The following PTPRD variants were observed in gnomAD, a reference collection of about 807,000 sequenced individuals.
PTPRD encodes the protein protein tyrosine phosphatase receptor type D, also known as receptor-type tyrosine-protein phosphatase delta.
PTPRD carries 34 observed loss-of-function variants against 214.5 expected under a neutral mutation model. The ratio of observed to expected loss-of-function variants is 0.16; its 90% CI spans 0.12 to 0.21. The LOEUF (loss-of-function observed/expected upper bound fraction) is 0.21, where lower values mean the gene tolerates loss of function less well. Among genes scored for constraint, PTPRD ranks in the 10% least tolerant of loss-of-function variants. The pLI is 1.00. For missense variants in PTPRD, 2,545 were observed against 2,398.7 expected, an observed-to-expected ratio of 1.06 and a Z score of -1.27; for synonymous variants, 1,128 against 845.7, an observed-to-expected ratio of 1.33 and a Z score of -5.79.
intron 8 of PTPRD, among the ~76,000 whole-genome samples, chr9:9,408,478 C>A (rs900838537): frequency 6.6e-6 from 1 of 151,732 alleles, no homozygotes; most frequent in Admixed American, 6.6e-5. Context: ...TTGTTCAGAG[C>A]CCTAAAACAT....
intron 6 of PTPRD, among the ~76,000 whole-genome samples, chr9:9,759,110 A>G (rs1429625415): frequency 6.6e-6 from 1 of 152,150 alleles, no homozygotes; most frequent in Non-Finnish European, 1.5e-5. Context: ...TTCAAAAATA[A>G]CTTATTCCTT....
intron 5 of PTPRD, among the ~76,000 whole-genome samples, chr9:9,879,423 G>A (rs1004134775): frequency 1.3e-5 from 2 of 152,086 alleles, no homozygotes; most frequent in Non-Finnish European, 2.9e-5. Flanking sequence ...GTGAGAAACA[G>A]AACTATACTA....
At chr9:10,607,925 T>G (rs916712173) in intron 2 of PTPRD, among the ~76,000 whole-genome samples, 3 of 151,946 alleles carry the variant, frequency 2.0e-5, no homozygotes, top group Non-Finnish European at 1.5e-5. Context: ...GTGTAAAAAT[T>G]ATTGTCTGTG....
At chr9:9,645,472 TA>T (rs2096126345) in intron 7 of PTPRD, among the ~76,000 whole-genome samples, 1 of 146,394 alleles carries the variant, frequency 6.8e-6, no homozygotes, top group Non-Finnish European at 1.5e-5. Flanking sequence ...TATATATATA[TA>T]TATATATTTT....
At chr9:9,126,373 T>C (rs983853467) in intron 10 of PTPRD, among the ~76,000 whole-genome samples, 2 of 152,172 alleles carry the variant, frequency 1.3e-5, no homozygotes, top group Non-Finnish European at 2.9e-5. Flanking sequence ...TATTTGAATA[T>C]AAGCTGAATA....
At chr9:9,832,367 T>A (rs554443828) in intron 5 of PTPRD, among the ~76,000 whole-genome samples, 8 of 152,088 alleles carry the variant, frequency 5.3e-5, no homozygotes, top group African/African-American at 1.9e-4. Context: ...AACTGTGTAT[T>A]TTTCAGGACC....
chr9:8,670,639 T>A (rs1312198022), intron 12 of PTPRD, among the ~76,000 whole-genome samples: 1 of 152,164 alleles, frequency 6.6e-6, no homozygotes, highest in Non-Finnish European at 1.5e-5. Context: ...ATAAAATTTG[T>A]TTTTTAAAAA....
At chr9:10,469,885 G>C (rs934816066) in intron 2 of PTPRD, among the ~76,000 whole-genome samples, 2 of 151,694 alleles carry the variant, frequency 1.3e-5, no homozygotes, top group African/African-American at 2.4e-5. Flanking sequence ...ATTATGTTAA[G>C]TGAAATAACC....
At chr9:9,351,154 AG>A (rs1246860473) in intron 9 of PTPRD, among the ~76,000 whole-genome samples, 1 of 152,056 alleles carries the variant, frequency 6.6e-6, no homozygotes, top group Non-Finnish European at 1.5e-5. Context: ...TTTTCTTAGA[AG>A]GGCTGTTAAC....
chr9:8,560,748 G>A (rs2085899247), intron 14 of PTPRD, among the ~76,000 whole-genome samples: 2 of 152,088 alleles, frequency 1.3e-5, no homozygotes, highest in Non-Finnish European at 2.9e-5. Flanking sequence ...ATCATGCTGT[G>A]CCTGTATAAG....
intron 3 of PTPRD, among the ~76,000 whole-genome samples, chr9:10,104,698 G>C (rs749525995): frequency 6.6e-6 from 1 of 151,754 alleles, no homozygotes; most frequent in Non-Finnish European, 1.5e-5. Flanking sequence ...TTAATTTGTG[G>C]ATTTATCTGA....
intron 2 of PTPRD, among the ~76,000 whole-genome samples, chr9:10,539,003 G>A (rs1049218340): frequency 6.6e-6 from 1 of 152,110 alleles, no homozygotes; most frequent in African/African-American, 2.4e-5. Flanking sequence ...AGGGAGTAAA[G>A]TTTTGGTAAT....
chr9:9,574,901 T>C (rs2087893528), intron 7 of PTPRD, 120 bp from the exon 8 acceptor site: 1 of 152,168 alleles, frequency 6.6e-6, no homozygotes, highest in Admixed American at 6.6e-5. Flanking sequence ...TTAGTGTACA[T>C]ATCACTTGAC....
Position 9,438,928 on chromosome 9 carries a change from TA to T in PTPRD, c.-236-41447del, listed in dbSNP as rs1329076286. ...AATGGGAACGCTCTAGGACAGCATT[TA>T]AATTCAACTTTATCATTATCAGTCT... On this transcript the variant is annotated intron_variant, in intron 8 of 45. Transcript: ENST00000381196. Among the ~76,000 whole-genome samples the T allele has an allele frequency of 3.9e-5, 6 of 152,294 alleles. No individual in the cohort carries two copies. The East Asian group carries it at 1.2e-3, about 29-fold the overall frequency.
intron 2 of PTPRD, among the ~76,000 whole-genome samples, chr9:10,384,619 A>G (rs1257241795): frequency 6.6e-6 from 1 of 151,740 alleles, no homozygotes; most frequent in East Asian, 1.9e-4. Context: ...TGAAAAAATA[A>G]AAACGGATTT....
At chr9:8,466,531 CAGT>C in intron 31 of PTPRD, among the ~76,000 whole-genome samples, 1 of 151,978 alleles carries the variant, frequency 6.6e-6, no homozygotes, top group East Asian at 1.9e-4. Context: ...ATCATACTAA[CAGT>C]GGTTATGAAC....
chr9:9,214,617 T>C (rs965187386), intron 9 of PTPRD, among the ~76,000 whole-genome samples: 7 of 152,098 alleles, frequency 4.6e-5, no homozygotes, highest in African/African-American at 1.2e-4. Context: ...AAACTGACAA[T>C]GAGACCTCTC....
intron 11 of PTPRD, chr9:8,963,124 G>T (rs1210806423): frequency 6.6e-6 from 1 of 151,980 alleles, no homozygotes; most frequent in Non-Finnish European, 1.5e-5. Context: ...TTGAAAGATA[G>T]AAGCTAGACA....
chr9:9,372,500 C>T (rs6477393), intron 9 of PTPRD, among the ~76,000 whole-genome samples: 66,465 of 151,636 alleles, frequency 0.44, 16,990 homozygotes, highest in African/African-American at 0.72. Context: ...TTTGAGCCTA[C>T]GTGTGTCTCT....
Sources: allele counts gnomAD v4.1 joint callset (sites outside exome capture counted in the v4.1 genomes callset), GRCh38; gene constraint gnomAD v4.1.1; transcripts MANE v1.5; gene names NCBI Gene and HGNC (gene_info 2026-07-23, HGNC 2026-07-21).